Variants in PIWIL2 observed in about 807,000 individuals in gnomAD.
PIWIL2 encodes the protein piwi like RNA-mediated gene silencing 2.
A neutral mutation model predicts 116.5 loss-of-function variants in PIWIL2; 81 were observed. The ratio of observed to expected loss-of-function variants is 0.70; its 90% confidence interval spans 0.58 to 0.84. The LOEUF is 0.84. Ranked by LOEUF, PIWIL2 falls within the 40% of genes least tolerant of loss-of-function variation. The pLI, the probability that PIWIL2 is intolerant of heterozygous loss-of-function variation, is 0.00. For missense variants in PIWIL2, 1,272 were observed against 1,212.3 expected (o/e 1.05, Z -0.73); for synonymous variants, 489 against 429.5 (o/e 1.14, Z -1.71).
At chr8:22,297,209 C>T (rs767437061) in intron 10 of PIWIL2, among the ~76,000 whole-genome samples, 6 of 152,092 alleles carry the variant, frequency 3.9e-5, no homozygotes, top group Non-Finnish European at 5.9e-5. Flanking sequence ...AGGCTGGTCT[C>T]GAACTCCTGG....
intron 20 of PIWIL2, among the ~76,000 whole-genome samples, chr8:22,332,874 G>C (rs1181853616): frequency 6.6e-6 from 1 of 152,110 alleles, no homozygotes; most frequent in Non-Finnish European, 1.5e-5. Context: ...ATCCCAGATA[G>C]AAGTTTAGAA....
rs553811106 is a variant in PIWIL2, at chr8:22,341,750, C to T, written c.2404-11209C>T. ...TAGATGCTATAAAGATACTCTTTAT[C>T]ACTACTATTAATCAGCTTCCTCCTG... On this transcript the variant is annotated intron_variant, in intron 20 of 22. Coordinates refer to ENST00000356766, the MANE Select transcript of PIWIL2 (RefSeq NM_018068.5). 6.6e-5 allele frequency among the ~76,000 whole-genome samples: 10 copies of T among 152,156 alleles called. No individual in the cohort carries two copies. In the South Asian group the frequency reaches 2.1e-3, roughly 32 times the overall value.
intron 1 of PIWIL2, among the ~76,000 whole-genome samples, chr8:22,277,805 G>A (rs1464273421): frequency 2.6e-5 from 4 of 152,196 alleles, no homozygotes; most frequent in African/African-American, 9.7e-5. Flanking sequence ...GGAAAGAGAG[G>A]CCAAAAACAA....
At chr8:22,277,405 C>T (rs1320628659) in intron 1 of PIWIL2, among the ~76,000 whole-genome samples, 2 of 152,146 alleles carry the variant, frequency 1.3e-5, no homozygotes, top group Non-Finnish European at 2.9e-5. Flanking sequence ...CCCGGGTAAC[C>T]TGGGAGAGAG....
chr8:22,324,126 G>C (rs1195276061), intron 20 of PIWIL2, among the ~76,000 whole-genome samples: 1 of 152,150 alleles, frequency 6.6e-6, no homozygotes, highest in Non-Finnish European at 1.5e-5. Flanking sequence ...GCTGGGCGTG[G>C]TGGTGGGCAC....
chr8:22,302,329 G>A (rs755443110), intron 10 of PIWIL2, among the ~76,000 whole-genome samples: 2 of 151,724 alleles, frequency 1.3e-5, no homozygotes, highest in Admixed American at 6.6e-5. Flanking sequence ...CTACAGGCGC[G>A]CACCCCCACG....
At chr8:22,346,911 C>T (rs758667900) in intron 20 of PIWIL2, among the ~76,000 whole-genome samples, 2 of 151,902 alleles carry the variant, frequency 1.3e-5, no homozygotes, top group Non-Finnish European at 1.5e-5. Context: ...CATAGCCGCT[C>T]GTGGCTGTAA....
intron 10 of PIWIL2, among the ~76,000 whole-genome samples, chr8:22,292,661 A>G (rs1830792449): frequency 6.6e-6 from 1 of 152,272 alleles, no homozygotes; most frequent in Non-Finnish European, 1.5e-5. Flanking sequence ...TGAATTGGGT[A>G]ACACCTTGAG....
intron 20 of PIWIL2, among the ~76,000 whole-genome samples, chr8:22,327,077 G>C (rs1469793086): frequency 7.0e-6 from 1 of 141,996 alleles, no homozygotes; most frequent in African/African-American, 2.7e-5. Flanking sequence ...ACCCAGGCTG[G>C]CGTGCAGTGA....
chr8:22,284,397 AC>A, intron 6 of PIWIL2, 125 bp downstream of exon 6: 1 of 512,930 alleles, frequency 1.9e-6, no homozygotes, highest in Non-Finnish European at 3.4e-6. Context: ...TAATGTGTTT[AC>A]TCAGATCCTT....
At chr8:22,306,242 G>A (rs1186978499) in intron 13 of PIWIL2, among the ~76,000 whole-genome samples, 2 of 151,938 alleles carry the variant, frequency 1.3e-5, no homozygotes, top group African/African-American at 4.8e-5. Flanking sequence ...TTTGAAGGTC[G>A]TTAGAACAGT....
chr8:22,289,697 C>A (rs537650818), intron 8 of PIWIL2, 150 bp from the exon 9 acceptor site: 11 of 560,030 alleles, frequency 2.0e-5, no homozygotes, highest in African/African-American at 1.9e-4. Context: ...TTTCTTTTAA[C>A]AAGATTGTTC....
intron 20 of PIWIL2, among the ~76,000 whole-genome samples, chr8:22,325,971 C>T (rs1298262880): frequency 3.3e-5 from 5 of 152,098 alleles, no homozygotes; most frequent in Non-Finnish European, 7.3e-5. Context: ...CATAGCCATC[C>T]GCACTCTCTT....
intron 20 of PIWIL2, among the ~76,000 whole-genome samples, chr8:22,345,476 C>T (rs984019035): frequency 2.0e-5 from 3 of 151,868 alleles, no homozygotes; most frequent in African/African-American, 4.8e-5. Flanking sequence ...GCCTGGGCAA[C>T]ATGGCGAAAC....
At position 22,284,043 on chromosome 8, in the gene PIWIL2, GC is replaced by G. The variant is rs1006610778; in HGVS notation, c.633-118del. On this transcript the variant is annotated intron_variant, in intron 5 of 22. Coordinates refer to ENST00000356766, the MANE Select transcript of PIWIL2 (RefSeq NM_018068.5). ...TTGCCTCTTGATATGTGTATCTGTA[GC>G]AAAATGTGAAAAAATGTTACTTCCC... is the stretch of plus-strand genomic sequence containing the variant. The G allele has an allele frequency of 8.8e-6, 5 of 569,658 alleles. No individual in the cohort carries two copies. In the African/African-American group the frequency reaches 9.5e-5, roughly 11 times the overall value. 35.3% of individuals were successfully genotyped at this position (569,658 alleles called of 1,614,324 possible). A position where few individuals can be genotyped will look rare whatever the true frequency, so the allele number is the denominator to read the frequency against.
intron 6 of PIWIL2, among the ~76,000 whole-genome samples, 167 bp downstream of exon 6, chr8:22,284,439 G>A (rs1830586170): frequency 6.6e-6 from 1 of 152,094 alleles, no homozygotes; most frequent in East Asian, 1.9e-4. Context: ...CTTAAACTTT[G>A]TGTATGTATT....
At chr8:22,334,381 G>A (rs190741796) in intron 20 of PIWIL2, among the ~76,000 whole-genome samples, 15 of 151,820 alleles carry the variant, frequency 9.9e-5, no homozygotes, top group East Asian at 3.9e-4. Context: ...AATTAGCTGG[G>A]CATCATGGCG....
At chr8:22,340,696 G>A (rs974538578) in intron 20 of PIWIL2, among the ~76,000 whole-genome samples, 1 of 151,990 alleles carries the variant, frequency 6.6e-6, no homozygotes, top group African/African-American at 2.4e-5. Context: ...GAACAGACAA[G>A]GAAAGATTTT....
chr8:22,343,883 T>A (rs1832166706), intron 20 of PIWIL2, among the ~76,000 whole-genome samples: 1 of 152,214 alleles, frequency 6.6e-6, no homozygotes, highest in Non-Finnish European at 1.5e-5. Context: ...ATCACGCTCC[T>A]TGATATTTTC....
Sources: allele counts gnomAD v4.1 joint callset (sites outside exome capture counted in the v4.1 genomes callset), GRCh38; gene constraint gnomAD v4.1.1; transcripts MANE v1.5; gene names NCBI Gene and HGNC (gene_info 2026-07-23, HGNC 2026-07-21).